The following LONRF1 variants were observed in gnomAD, a reference collection of about 807,000 sequenced individuals.
LONRF1 encodes LON peptidase N-terminal domain and ring finger 1.
LONRF1 carries 37 observed loss-of-function variants against 85.8 expected under a neutral mutation model. The observed-to-expected ratio is 0.43, with a 90% CI of 0.33 to 0.57. The LOEUF (loss-of-function observed/expected upper bound fraction) is 0.57, where lower values mean the gene tolerates loss of function less well. Among genes scored for constraint, LONRF1 ranks in the 20% least tolerant of loss-of-function variants. LONRF1 has a pLI of 0.04. For synonymous variants in LONRF1, 517 were observed against 390.1 expected (o/e 1.33, Z -3.83); for missense variants, 1,036 against 978.0 (o/e 1.06, Z -0.79).
chr8:12,751,638 T>A (rs1368629476), intron 1 of LONRF1, among the ~76,000 whole-genome samples: 1 of 151,688 alleles, frequency 6.6e-6, no homozygotes, highest in Non-Finnish European at 1.5e-5. Context: ...AGACAAAATT[T>A]TCCTTACCCA....
chr8:12,755,094 C>A lies in LONRF1; in HGVS notation c.327G>T (p.Pro109=). ...LRHGLGWSAA[P]VAGADGGAGG... is the part of the protein sequence containing the mutation. Reference sequence around the variant, plus strand: ...CGGCGCCGCCGTCAGCGCCTGCAACCGGGGCCGCGCTCCAGCCCAGCCCGT... The same window carrying A: ...CGGCGCCGCCGTCAGCGCCTGCAACAGGGGCCGCGCTCCAGCCCAGCCCGT... Residue 109 remains proline (P), a synonymous_variant, in exon 1 of 12, where the codon CCG becomes CCT. Transcript: ENST00000398246. 2 of 1,470,384 alleles carry A rather than the reference C, an allele frequency of 1.4e-6. No homozygotes were observed. The highest frequency in any genetic ancestry group is 3.0e-5 in the East Asian group (1 of 33,498). 91.1% of individuals were successfully genotyped at this position (1,470,384 alleles called of 1,614,324 possible).
chr8:12,726,174 G>A (rs1342515695), intron 10 of LONRF1, among the ~76,000 whole-genome samples: 1 of 152,150 alleles, frequency 6.6e-6, no homozygotes, highest in Non-Finnish European at 1.5e-5. Flanking sequence ...TTGAGAGTGA[G>A]TTCTGGTTCA....
At position 12,731,905 on chromosome 8, in the gene LONRF1, A is replaced by G. The variant is rs373030350; in HGVS notation, c.1567-48T>C. ...ATTCCAGCAGTGGTTTTCCTACAGT[A>G]TAAAACAGGCAACACAGTTAACTGA... On this transcript the variant is annotated intron_variant, in intron 7 of 11. Transcript: ENST00000398246. 25 of 1,567,268 alleles carry G rather than the reference A, an allele frequency of 1.6e-5. No homozygotes were observed. The African/African-American group carries it at 3.0e-4, about 19-fold the overall frequency.
intron 8 of LONRF1, among the ~76,000 whole-genome samples, chr8:12,731,260 A>AT (rs1173563291): frequency 6.6e-6 from 1 of 152,064 alleles, no homozygotes; most frequent in Non-Finnish European, 1.5e-5. Context: ...ATCTTCATTA[A>AT]TTGAGGATTT....
At chr8:12,729,418 G>C (rs1198821631) in intron 8 of LONRF1, 86 bp from the exon 9 acceptor site, 12 of 1,319,356 alleles carry the variant, frequency 9.1e-6, no homozygotes, top group Non-Finnish European at 1.3e-5. Context: ...GTTTATAACA[G>C]TAATGAACTA....
intron 4 of LONRF1, among the ~76,000 whole-genome samples, chr8:12,737,771 TAA>T (rs1798776590): frequency 6.6e-6 from 1 of 152,138 alleles, no homozygotes; most frequent in South Asian, 2.1e-4. Flanking sequence ...TTTAAAGAAC[TAA>T]AAGTTTTCTT....
At chr8:12,736,482 C>T (rs747622769) in intron 6 of LONRF1, among the ~76,000 whole-genome samples, 4 of 152,140 alleles carry the variant, frequency 2.6e-5, no homozygotes, top group African/African-American at 9.7e-5. Flanking sequence ...GTAGGCCATG[C>T]AAAGCTTGAT....
chr8:12,745,252 C>A (rs376331048), intron 1 of LONRF1, among the ~76,000 whole-genome samples: 1 of 149,506 alleles, frequency 6.7e-6, no homozygotes, highest in African/African-American at 2.5e-5. Context: ...ACTCTTTGTT[C>A]CCTAACTCCT....
At chr8:12,728,851 C>T in intron 10 of LONRF1, 50 bp downstream of exon 10, 1 of 1,598,920 alleles carries the variant, frequency 6.3e-7, no homozygotes, top group Non-Finnish European at 8.6e-7. Flanking sequence ...TGTACCAATC[C>T]CTGGAACAGG....
Position 12,755,433 on chromosome 8 carries a change from G to T in LONRF1, c.-13C>A. 1 of 1,128,000 alleles carries T rather than the reference G, an allele frequency of 8.9e-7. No individual in the cohort carries two copies. The highest frequency in any genetic ancestry group is 1.1e-6 in the Non-Finnish European group (1 of 921,502). 69.9% of individuals were successfully genotyped at this position (1,128,000 alleles called of 1,614,324 possible). ...CCGGAGAGGACATGGCCCGCGGAGG[G>T]CTGCGCCGCCGCCGCCCGCCGCCAC... On this transcript the variant is annotated 5_prime_UTR_variant, in exon 1 of 12. Coordinates refer to ENST00000398246, the MANE Select transcript of LONRF1 (RefSeq NM_152271.5).
In LONRF1 at chr8:12,754,788, CCGCTCGCGCTGG is replaced by C; in HGVS notation, c.621_632del (p.Gln208_Arg211del). 1 of 1,484,328 alleles carries C rather than the reference CCGCTCGCGCTGG, an allele frequency of 6.7e-7. No individual in the cohort carries two copies. The highest frequency in any genetic ancestry group is 8.9e-7 in the Non-Finnish European group (1 of 1,124,392). 91.9% of individuals were successfully genotyped at this position (1,484,328 alleles called of 1,614,324 possible). ...CCCCGAGCCTGCCGGCCGCCCGGGC[CCGCTCGCGCTGG>C]CCCGGAAACCACTTCTCGGCCAGGT... On this transcript the variant is annotated inframe_deletion, in exon 1 of 12. Transcript: ENST00000398246.
chr8:12,734,272 G>C (rs1434167154), intron 7 of LONRF1, among the ~76,000 whole-genome samples: 2 of 151,982 alleles, frequency 1.3e-5, no homozygotes, highest in East Asian at 3.9e-4. Flanking sequence ...ATATCAGCTT[G>C]TTATATATGT....
chr8:12,733,360 A>G (rs1798600699), intron 7 of LONRF1, among the ~76,000 whole-genome samples: 1 of 152,162 alleles, frequency 6.6e-6, no homozygotes, highest in African/African-American at 2.4e-5. Flanking sequence ...GCAATCCAAC[A>G]ATTGGTTTTA....
chr8:12,745,153 C>CT (rs1799095789), intron 1 of LONRF1, among the ~76,000 whole-genome samples: 1 of 152,000 alleles, frequency 6.6e-6, no homozygotes, highest in Non-Finnish European at 1.5e-5. Flanking sequence ...TGAGATCTCC[C>CT]TAAAGGAGGT....
chr8:12,734,013 A>G (rs1213264556), intron 7 of LONRF1, among the ~76,000 whole-genome samples: 1 of 152,168 alleles, frequency 6.6e-6, no homozygotes, highest in Non-Finnish European at 1.5e-5. Context: ...AATCAAAGCA[A>G]TAGATCTAAT....
Position 12,738,163 on chromosome 8 carries a change from AAGT to A in LONRF1, c.964-22_964-20del, listed in dbSNP as rs1331470617. ...ATAAAATCTGTAAGAGAAATATTAA[AAGT>A]AGTAGAAAATATAAAATATTTGGTT... is the stretch of plus-strand genomic sequence containing the variant. On this transcript the variant is annotated intron_variant, in intron 3 of 11. Transcript: ENST00000398246. 7.1e-7 allele frequency: 1 copy of A among 1,401,744 alleles called. No individual in the cohort carries two copies. Among genetic ancestry groups the A allele is most frequent in the East Asian group, 2.5e-5 (1 of 39,600 alleles). 86.8% of individuals were successfully genotyped at this position (1,401,744 alleles called of 1,614,324 possible). A position where few individuals can be genotyped will look rare whatever the true frequency, so the allele number is the denominator to read the frequency against.
In LONRF1 at chr8:12,722,531, A is replaced by G. The variant is rs1321190328; in HGVS notation, c.*565T>C. On this transcript the variant is annotated 3_prime_UTR_variant, in exon 12 of 12. Coordinates refer to ENST00000398246, the MANE Select transcript of LONRF1 (RefSeq NM_152271.5). Reference sequence around the variant, plus strand: ...TAGTCAATGGTCAAGACAGTTCAGCAAGAGCAGTGTTTCCAACAAAGAATG... The same window carrying G: ...TAGTCAATGGTCAAGACAGTTCAGCGAGAGCAGTGTTTCCAACAAAGAATG... 4 of 152,830 alleles carry G rather than the reference A, an allele frequency of 2.6e-5. No homozygotes were observed. The highest frequency in any genetic ancestry group is 4.4e-5 in the Non-Finnish European group (3 of 68,178). 9.5% of individuals were successfully genotyped at this position (152,830 alleles called of 1,614,324 possible). A position where few individuals can be genotyped will look rare whatever the true frequency, so the allele number is the denominator to read the frequency against.
At position 12,722,403 on chromosome 8, in the gene LONRF1, A is replaced by T. The variant is rs539249750; in HGVS notation, c.*693T>A. ...GTTTTATGAATAGATGCACAGTACCATGTCAGGTTTACAATTGTTCCTGAA... is the reference window on the plus strand; with the variant it reads ...GTTTTATGAATAGATGCACAGTACCTTGTCAGGTTTACAATTGTTCCTGAA... On this transcript the variant is annotated 3_prime_UTR_variant, in exon 12 of 12. Coordinates refer to ENST00000398246, the MANE Select transcript of LONRF1 (RefSeq NM_152271.5). 7 of 152,778 alleles carry T rather than the reference A, an allele frequency of 4.6e-5. No individual in the cohort carries two copies. The highest frequency in any genetic ancestry group is 1.7e-4 in the African/African-American group (7 of 41,580). 9.5% of individuals were successfully genotyped at this position (152,778 alleles called of 1,614,324 possible).
At chr8:12,751,538 C>T (rs568538385) in intron 1 of LONRF1, among the ~76,000 whole-genome samples, 1 of 151,614 alleles carries the variant, frequency 6.6e-6, no homozygotes, top group African/African-American at 2.4e-5. Context: ...CTCCTGGCCT[C>T]ATGCGATCCG....
Sources: allele counts gnomAD v4.1 joint callset (sites outside exome capture counted in the v4.1 genomes callset), GRCh38; gene constraint gnomAD v4.1.1; transcripts MANE v1.5; gene names NCBI Gene and HGNC (gene_info 2026-07-23, HGNC 2026-07-21).